Variants in PCDHGA10 observed in about 807,000 individuals in gnomAD.
The protein encoded by PCDHGA10 is protocadherin gamma-A10.
A neutral mutation model predicts 59.5 loss-of-function variants in PCDHGA10; 42 were observed. That is an observed-to-expected ratio of 0.71 (90% confidence interval 0.55 to 0.91). The LOEUF (loss-of-function observed/expected upper bound fraction) is 0.91. Ranked by LOEUF, PCDHGA10 falls within the 40% of genes least tolerant of loss-of-function variation. The pLI is 0.00. For synonymous variants in PCDHGA10, 511 were observed against 517.2 expected, an observed-to-expected ratio of 0.99 and a Z score of 0.16; for missense variants, 1,111 against 1,198.2, an observed-to-expected ratio of 0.93 and a Z score of 1.07.
chr5:141,460,388 G>T (rs1425099375), intron 1 of PCDHGA10, among the ~76,000 whole-genome samples: 1 of 151,774 alleles, frequency 6.6e-6, no homozygotes, highest in East Asian at 1.9e-4. Context: ...TTATAATTTG[G>T]TCTATGAATC....
chr5:141,471,124 A>C (rs2099250596), intron 1 of PCDHGA10, among the ~76,000 whole-genome samples: 1 of 141,916 alleles, frequency 7.0e-6, no homozygotes, highest in East Asian at 2.1e-4. Flanking sequence ...TCTTACCTTC[A>C]CTGCAACCTC....
chr5:141,491,580 G>A lies in PCDHGA10; in HGVS notation c.2437-3227G>A. 6.2e-7 allele frequency: 1 copy of A among 1,613,942 alleles called. No individual in the cohort carries two copies. Among genetic ancestry groups the A allele is most frequent in the Non-Finnish European group, 8.5e-7 (1 of 1,180,044 alleles). ...ACTGCTACAGGACGTGCTTTTCACC[G>A]GCCTCGGACGGCAGTGACTTCACTT... is the stretch of plus-strand genomic sequence containing the variant. On this transcript the variant is annotated intron_variant, in intron 1 of 3. Coordinates refer to ENST00000398610, the MANE Select transcript of PCDHGA10 (RefSeq NM_018913.3). The surrounding 1 kb of genome is among the most constrained non-coding windows in gnomAD (Gnocchi z 6.9).
At chr5:141,470,723 G>T (rs1326927605) in intron 1 of PCDHGA10, among the ~76,000 whole-genome samples, 1 of 151,852 alleles carries the variant, frequency 6.6e-6, no homozygotes, top group East Asian at 1.9e-4. Flanking sequence ...TTTGAGTCAG[G>T]GTCTTGCTCT....
chr5:141,493,808 C>T lies in PCDHGA10; in HGVS notation c.2437-999C>T, dbSNP rs2099750260. On this transcript the variant is annotated intron_variant, in intron 1 of 3. Transcript: ENST00000398610. The surrounding 1 kb of genome is among the most constrained non-coding windows in gnomAD (Gnocchi z 4.3). ...CTTCTCCCTGGAGTAATCTGAGATA[C>T]TCACACTCTCTGCTTCTGGGAGCAA... is the stretch of plus-strand genomic sequence containing the variant. 6.6e-6 allele frequency among the ~76,000 whole-genome samples: 1 copy of T among 152,200 alleles called. No individual in the cohort carries two copies. The highest frequency in any genetic ancestry group is 1.5e-5 in the Non-Finnish European group (1 of 68,042).
intron 1 of PCDHGA10, among the ~76,000 whole-genome samples, chr5:141,455,549 C>G (rs911113181): frequency 1.3e-5 from 2 of 152,042 alleles, no homozygotes; most frequent in Non-Finnish European, 2.9e-5. Flanking sequence ...TCACGTAGCC[C>G]GAGAAAAAGC....
intron 2 of PCDHGA10, 62 bp downstream of exon 2, chr5:141,494,927 G>C: frequency 6.2e-7 from 1 of 1,613,516 alleles, no homozygotes; most frequent in Non-Finnish European, 8.5e-7. Context: ...GATGACGTGG[G>C]AGGAGATGGG....
In PCDHGA10 at chr5:141,419,984, C is replaced by A. The variant is rs918632592; in HGVS notation, c.2436+4373C>A. ...TGTGCTCTTTCTCCTCGCGGTGATT[C>A]TAGCTATTGCTCTACGCCTGCGACA... On this transcript the variant is annotated intron_variant, in intron 1 of 3. Transcript: ENST00000398610. 27 of 1,613,962 alleles carry A rather than the reference C, an allele frequency of 1.7e-5. No individual in the cohort carries two copies. The highest frequency in any genetic ancestry group is 2.2e-5 in the Non-Finnish European group (26 of 1,179,912).
intron 2 of PCDHGA10, among the ~76,000 whole-genome samples, chr5:141,496,500 C>T (rs1350421492): frequency 6.6e-6 from 1 of 152,162 alleles, no homozygotes; most frequent in Non-Finnish European, 1.5e-5. Flanking sequence ...ACCCTTGTTG[C>T]CACAAGGACC....
chr5:141,425,661 C>A (rs993314865), intron 1 of PCDHGA10, among the ~76,000 whole-genome samples: 5 of 152,184 alleles, frequency 3.3e-5, no homozygotes, highest in Admixed American at 3.3e-4. Context: ...ATTATCTGCA[C>A]ATCAGATTGA....
chr5:141,470,721 AG>A (rs948288535), intron 1 of PCDHGA10, among the ~76,000 whole-genome samples: 2 of 152,098 alleles, frequency 1.3e-5, no homozygotes, highest in African/African-American at 4.8e-5. Flanking sequence ...TTTTTGAGTC[AG>A]GGTCTTGCTC....
intron 1 of PCDHGA10, chr5:141,423,278 A>C: frequency 1.2e-6 from 2 of 1,613,940 alleles, no homozygotes; most frequent in Non-Finnish European, 1.7e-6. Flanking sequence ...TCTCTGGCTA[A>C]CTCTGAAACC....
Position 141,413,293 on chromosome 5 carries a change from C to G in PCDHGA10, c.118C>G (p.Pro40Ala). ...AGARQISYSI[P>A]EELEKGSFVG... ...AGCCCGGCAGATCTCCTACTCAATT[C>G]CTGAGGAATTAGAGAAAGGCTCTTT... is the stretch of plus-strand genomic sequence containing the variant. Residue 40 changes from proline to alanine, a missense_variant, in exon 1 of 4, where the codon CCT becomes GCT. Coordinates refer to ENST00000398610, the MANE Select transcript of PCDHGA10 (RefSeq NM_018913.3). 1 of 1,613,946 alleles carries G rather than the reference C, an allele frequency of 6.2e-7. No homozygotes were observed. The highest frequency in any genetic ancestry group is 1.1e-5 in the South Asian group (1 of 91,088).
chr5:141,493,340 T>C lies in PCDHGA10; in HGVS notation c.2437-1467T>C, dbSNP rs889623993. Among the ~76,000 whole-genome samples, 1 of 152,202 alleles carries C rather than the reference T, an allele frequency of 6.6e-6. No homozygotes were observed. Among genetic ancestry groups the C allele is most frequent in the Admixed American group, 6.5e-5 (1 of 15,288 alleles). Reference sequence around the variant, plus strand: ...TTCTAACCCCTGTCTAACTCCAGAATGTGTGCTTTTAATTTCTTGGCACTT... The same window carrying C: ...TTCTAACCCCTGTCTAACTCCAGAACGTGTGCTTTTAATTTCTTGGCACTT... On this transcript the variant is annotated intron_variant, in intron 1 of 3. Coordinates refer to ENST00000398610, the MANE Select transcript of PCDHGA10 (RefSeq NM_018913.3). The surrounding 1 kb of genome is among the most constrained non-coding windows in gnomAD (Gnocchi z 4.3).
In PCDHGA10 at chr5:141,476,599, TC is replaced by T; in HGVS notation, c.2437-18205del. The T allele has an allele frequency of 6.2e-7, 1 of 1,614,210 alleles. No individual in the cohort carries two copies. ...GCTTTCCGCTCGAGAGCGCGCACGA[TC>T]CCGATGTGGGAAGCAACTCTTTACA... is the stretch of plus-strand genomic sequence containing the variant. On this transcript the variant is annotated intron_variant, in intron 1 of 3. Transcript: ENST00000398610. This position sits in a 1 kb window ranked among gnomAD's most constrained non-coding sequence, Gnocchi z 7.6.
intron 1 of PCDHGA10, among the ~76,000 whole-genome samples, chr5:141,443,905 A>G (rs963772369): frequency 6.6e-6 from 1 of 152,204 alleles, no homozygotes; most frequent in Admixed American, 6.5e-5. Context: ...TAGTAGGAAA[A>G]TTCATAAAAG....
At chr5:141,452,472 A>C (rs995927368) in intron 1 of PCDHGA10, among the ~76,000 whole-genome samples, 6 of 152,170 alleles carry the variant, frequency 3.9e-5, no homozygotes, top group Non-Finnish European at 8.8e-5. Flanking sequence ...AGCTAGGAAA[A>C]ACACACATAA....
chr5:141,507,368 T>C (rs1446319165), intron 3 of PCDHGA10: 2 of 152,094 alleles, frequency 1.3e-5, no homozygotes, highest in Non-Finnish European at 2.9e-5. Context: ...GGGAGCCCTG[T>C]ACTTTTATTT....
In PCDHGA10 at chr5:141,485,896, C is replaced by T; in HGVS notation, c.2437-8911C>T. On this transcript the variant is annotated intron_variant, in intron 1 of 3. Coordinates refer to ENST00000398610, the MANE Select transcript of PCDHGA10 (RefSeq NM_018913.3). The surrounding 1 kb of genome is among the most constrained non-coding windows in gnomAD (Gnocchi z 5.7). ...TGGACGTAAACGACAACGCCCCAGC[C>T]TTCCAGCAATCCAGCTACAGGATTA... 6.2e-7 allele frequency: 1 copy of T among 1,614,190 alleles called. No individual in the cohort carries two copies. The highest frequency in any genetic ancestry group is 8.5e-7 in the Non-Finnish European group (1 of 1,180,042).
chr5:141,440,321 C>T (rs1048535776), intron 1 of PCDHGA10: 1 of 152,104 alleles, frequency 6.6e-6, no homozygotes, highest in African/African-American at 2.4e-5. Context: ...ACAAAAATTA[C>T]TGGGCATGGT....
Sources: gnomAD v4.1 joint callset for allele counts (sites outside exome capture counted in the v4.1 genomes callset) on GRCh38, gnomAD v4.1.1 for gene constraint, Gnocchi (gnomAD v3.1) non-coding constraint, MANE v1.5 for transcripts, NCBI Gene and HGNC (gene_info 2026-07-23, HGNC 2026-07-21) for gene names.